PRDM15: variants seen among roughly 807,000 people sequenced by gnomAD.
PRDM15 encodes the protein PR/SET domain 15.
A neutral mutation model predicts 128.6 loss-of-function variants in PRDM15; 64 were observed. The observed-to-expected ratio is 0.50, with a 90% confidence interval of 0.41 to 0.61. PRDM15 has a LOEUF of 0.61. Ranked by LOEUF, PRDM15 falls within the 20% of genes least tolerant of loss-of-function variation. The pLI is 0.00. For synonymous variants in PRDM15, 615 were observed against 621.8 expected, an observed-to-expected ratio of 0.99 and a Z score of 0.16; for missense variants, 1,242 against 1,569.1, an observed-to-expected ratio of 0.79 and a Z score of 3.52.
Position 41,810,111 on chromosome 21 carries a change from G to A in PRDM15, c.2652+43C>T, listed in dbSNP as rs778475765. ...GCCAGCATGGGGGTGTCCGGTGCGC[G>A]GCCCGCTGGCGGGGCACGGAGGGGG... On this transcript the variant is annotated intron_variant, in intron 21 of 23. Coordinates refer to ENST00000398548, the MANE Select transcript of PRDM15 (RefSeq NM_001040424.3). This position sits in a 1 kb window ranked among gnomAD's most constrained non-coding sequence, Gnocchi z 6.4. The A allele has an allele frequency of 4.2e-5, 66 of 1,573,344 alleles. No individual in the cohort carries two copies. Among genetic ancestry groups the A allele is most frequent in the Non-Finnish European group, 5.3e-5 (61 of 1,160,284 alleles).
At chr21:41,805,135 G>A (rs996058203) in intron 21 of PRDM15, among the ~76,000 whole-genome samples, 2 of 152,132 alleles carry the variant, frequency 1.3e-5, no homozygotes, top group Non-Finnish European at 2.9e-5. Flanking sequence ...ACTGAACGGG[G>A]TCCTCAGCAC....
rs1413140168 is a variant in PRDM15, at chr21:41,859,906, G to C, written c.38-221C>G. ...CTCGTGCACACATGAGGAGTGCAAA[G>C]GCAGGACACGCCCCCAGGGAAAGCT... On this transcript the variant is annotated intron_variant, in intron 2 of 23. Coordinates refer to ENST00000398548, the MANE Select transcript of PRDM15 (RefSeq NM_001040424.3). The surrounding 1 kb of genome is among the most constrained non-coding windows in gnomAD (Gnocchi z 5.3). 6.6e-6 allele frequency among the ~76,000 whole-genome samples: 1 copy of C among 152,162 alleles called. No homozygotes were observed. The highest frequency in any genetic ancestry group is 1.5e-5 in the Non-Finnish European group (1 of 68,020).
At chr21:41,808,668 T>C (rs1457060225) in intron 21 of PRDM15, among the ~76,000 whole-genome samples, 3 of 152,258 alleles carry the variant, frequency 2.0e-5, no homozygotes, top group Non-Finnish European at 1.5e-5. Context: ...ACCTCATTTA[T>C]ATAAGTGAGT....
chr21:41,857,190 C>A lies in PRDM15; in HGVS notation c.271G>T (p.Ala91Ser). Reference sequence around the variant, plus strand: ...ACAGCCTTTACCTTCAGGGGAAATGCAGACTCCTTTTCCCATTTGGCGACC... The same window carrying A: ...ACAGCCTTTACCTTCAGGGGAAATGAAGACTCCTTTTCCCATTTGGCGACC... ...RRVAKWEKES[A>S]FPLKVFQKDG... The change falls in exon 4 of 24, where the codon GCA becomes TCA. Residue 91 changes from alanine to serine, a missense_variant. Around this residue, in one of 3 missense-constraint regions of PRDM15, gnomAD observed 612 missense variants for 717.0 expected, o/e 0.85. Coordinates refer to ENST00000398548, the MANE Select transcript of PRDM15 (RefSeq NM_001040424.3). 1 of 1,613,340 alleles carries A rather than the reference C, an allele frequency of 6.2e-7. No homozygotes were observed. Among genetic ancestry groups the A allele is most frequent in the South Asian group, 1.1e-5 (1 of 91,032 alleles).
chr21:41,864,077 C>G (rs1183496800), intron 1 of PRDM15, among the ~76,000 whole-genome samples: 1 of 152,160 alleles, frequency 6.6e-6, no homozygotes, highest in Non-Finnish European at 1.5e-5. Context: ...CTCTTGACCT[C>G]GTGATCTGCC....
chr21:41,804,786 C>T, intron 21 of PRDM15, 172 bp from the exon 22 acceptor site: 2 of 540,124 alleles, frequency 3.7e-6, no homozygotes, highest in Non-Finnish European at 6.5e-6. Flanking sequence ...ACTCTGTGTC[C>T]AGAAGCCCAG....
chr21:41,843,891 A>G (rs1221101107), intron 6 of PRDM15, among the ~76,000 whole-genome samples: 2 of 151,418 alleles, frequency 1.3e-5, no homozygotes, highest in East Asian at 2.0e-4. Flanking sequence ...TGAGGCTGCA[A>G]TGAGCTAAGA....
At chr21:41,831,348 G>A (rs1432699753) in intron 11 of PRDM15, among the ~76,000 whole-genome samples, 1 of 152,210 alleles carries the variant, frequency 6.6e-6, no homozygotes, top group Non-Finnish European at 1.5e-5. Context: ...GCAGATACCG[G>A]GCTTCCACCC....
At chr21:41,846,607 G>A (rs2063272219) in intron 6 of PRDM15, among the ~76,000 whole-genome samples, 2 of 152,216 alleles carry the variant, frequency 1.3e-5, no homozygotes, top group Admixed American at 1.3e-4. Context: ...TGAGGTGGGA[G>A]GATCGCTTGA....
In PRDM15 at chr21:41,810,105, G is replaced by A; in HGVS notation, c.2652+49C>T. On this transcript the variant is annotated intron_variant, in intron 21 of 23. Coordinates refer to ENST00000398548, the MANE Select transcript of PRDM15 (RefSeq NM_001040424.3). This position sits in a 1 kb window ranked among gnomAD's most constrained non-coding sequence, Gnocchi z 6.4. ...CCATGTGCCAGCATGGGGGTGTCCGGTGCGCGGCCCGCTGGCGGGGCACGG... is the reference window on the plus strand; with the variant it reads ...CCATGTGCCAGCATGGGGGTGTCCGATGCGCGGCCCGCTGGCGGGGCACGG... 6.4e-7 allele frequency: 1 copy of A among 1,563,560 alleles called. No individual in the cohort carries two copies. Among genetic ancestry groups the A allele is most frequent in the Non-Finnish European group, 8.7e-7 (1 of 1,154,842 alleles).
At chr21:41,826,739 C>A (rs2062484579) in intron 12 of PRDM15, among the ~76,000 whole-genome samples, 1 of 152,198 alleles carries the variant, frequency 6.6e-6, no homozygotes, top group Non-Finnish European at 1.5e-5. Flanking sequence ...GCTCAGCAAA[C>A]TGGACGTTGG....
intron 21 of PRDM15, among the ~76,000 whole-genome samples, chr21:41,809,385 A>T (rs993167675): frequency 6.6e-6 from 1 of 151,430 alleles, no homozygotes; most frequent in African/African-American, 2.4e-5. Flanking sequence ...GGCGCCCACC[A>T]CCATGCCCAG....
chr21:41,865,442 C>T (rs916383132), intron 1 of PRDM15, among the ~76,000 whole-genome samples: 4 of 152,280 alleles, frequency 2.6e-5, no homozygotes, highest in South Asian at 4.2e-4. Context: ...GGACCCTCCT[C>T]GGCACCAGCA....
intron 11 of PRDM15, among the ~76,000 whole-genome samples, 186 bp downstream of exon 11, chr21:41,835,251 T>G (rs2062833338): frequency 6.6e-6 from 1 of 152,132 alleles, no homozygotes; most frequent in Admixed American, 6.5e-5. Flanking sequence ...TACTGGAAAG[T>G]TTCCATCTGT....
At chr21:41,835,184 A>T (rs982583953) in intron 11 of PRDM15, among the ~76,000 whole-genome samples, 1 of 152,184 alleles carries the variant, frequency 6.6e-6, no homozygotes, top group African/African-American at 2.4e-5. Flanking sequence ...CAATGCTCTC[A>T]GTGTGGGGCC....
intron 3 of PRDM15, chr21:41,858,941 T>G: frequency 9.8e-7 from 1 of 1,020,370 alleles, no homozygotes; most frequent in African/African-American, 1.6e-5. Flanking sequence ...CCAGGTACCA[T>G]CACCCACAAC....
chr21:41,871,621 C>A (rs760636720), intron 1 of PRDM15: 1 of 1,607,590 alleles, frequency 6.2e-7, no homozygotes. Context: ...CAATCTGGGA[C>A]CTGTAGGCCA....
chr21:41,836,044 G>T, intron 10 of PRDM15, 69 bp downstream of exon 10: 1 of 925,484 alleles, frequency 1.1e-6, no homozygotes, highest in Non-Finnish European at 1.6e-6. Flanking sequence ...ATTACAACAT[G>T]GTGATTTGGT....
chr21:41,811,920 C>T lies in PRDM15; in HGVS notation c.2393-1084G>A, dbSNP rs1355211275. 6.6e-6 allele frequency: 1 copy of T among 152,242 alleles called. No homozygotes were observed. Among genetic ancestry groups the T allele is most frequent in the Non-Finnish European group, 1.5e-5 (1 of 68,082 alleles). The allele number at this position is 152,242 out of a possible 1,614,324, so 9.4% of individuals were successfully genotyped here. ...ATCTCCTGACCTCGTGATCCGCCCG[C>T]CTCGGCCTCCCAAAGTGCTGGGATT... On this transcript the variant is annotated intron_variant, in intron 19 of 23. Coordinates refer to ENST00000398548, the MANE Select transcript of PRDM15 (RefSeq NM_001040424.3). The surrounding 1 kb of genome is among the most constrained non-coding windows in gnomAD (Gnocchi z 4.1).
Sources: allele counts gnomAD v4.1 joint callset (sites outside exome capture counted in the v4.1 genomes callset), GRCh38; gene constraint gnomAD v4.1.1; regional missense constraint gnomAD v4.1.1; non-coding constraint Gnocchi (gnomAD v3.1); transcripts MANE v1.5; gene names NCBI Gene and HGNC (gene_info 2026-07-23, HGNC 2026-07-21).